Variants in XIRP2 observed in about 807,000 individuals in gnomAD.
The protein encoded by XIRP2 is xin actin binding repeat containing 2.
A neutral mutation model predicts 277.0 loss-of-function variants in XIRP2; 236 were observed. That is an observed-to-expected ratio of 0.85 (90% confidence interval 0.77 to 0.95). The LOEUF (loss-of-function observed/expected upper bound fraction) is 0.95. Among genes scored for constraint, XIRP2 ranks in the 40% least tolerant of loss-of-function variants. XIRP2 has a pLI of 0.00. For synonymous variants in XIRP2, 1,490 were observed against 1,416.5 expected (o/e 1.05, Z -1.17); for missense variants, 4,640 against 4,157.5 (o/e 1.12, Z -3.19).
At chr2:166,984,290 G>A (rs1392024868) in intron 2 of XIRP2, among the ~76,000 whole-genome samples, 1 of 152,112 alleles carries the variant, frequency 6.6e-6, no homozygotes, top group Admixed American at 6.6e-5. Flanking sequence ...CTCATATTTT[G>A]TGGGATTATC....
Position 167,095,390 on chromosome 2 carries a change from C to T in XIRP2, c.409-40519C>T, listed in dbSNP as rs1026515494. 4.6e-5 allele frequency among the ~76,000 whole-genome samples: 7 copies of T among 152,226 alleles called. No individual in the cohort carries two copies. In the South Asian group the frequency reaches 1.2e-3, roughly 27 times the overall value. On this transcript the variant is annotated intron_variant, in intron 2 of 10. Transcript: ENST00000409195. ...TGAGAGAGGGCATACTTTTCTTGTG[C>T]CGGTTTTCAAAGGGAATGCTTCCAG...
chr2:167,023,794 T>C (rs767250084), intron 2 of XIRP2, among the ~76,000 whole-genome samples: 4 of 152,160 alleles, frequency 2.6e-5, no homozygotes, highest in Non-Finnish European at 5.9e-5. Context: ...CTGAGGGATC[T>C]GTTCTGTTCC....
At chr2:167,118,260 G>T (rs892537913) in intron 2 of XIRP2, among the ~76,000 whole-genome samples, 4 of 151,946 alleles carry the variant, frequency 2.6e-5, no homozygotes, top group Admixed American at 6.6e-5. Context: ...TGGGCAGATT[G>T]CCTGAGGTCA....
At chr2:167,038,510 C>T (rs923010025) in intron 2 of XIRP2, among the ~76,000 whole-genome samples, 1 of 150,552 alleles carries the variant, frequency 6.6e-6, no homozygotes, top group Non-Finnish European at 1.5e-5. Context: ...ACTCTTGACC[C>T]AGAAATTCTA....
intron 10 of XIRP2, among the ~76,000 whole-genome samples, chr2:167,257,419 A>G (rs995208523): frequency 6.6e-6 from 1 of 151,950 alleles, no homozygotes; most frequent in African/African-American, 2.4e-5. Context: ...TAATCTCCTT[A>G]AAGAGGCCAC....
At chr2:166,958,297 G>T (rs1199026149) in intron 2 of XIRP2, among the ~76,000 whole-genome samples, 2 of 151,886 alleles carry the variant, frequency 1.3e-5, no homozygotes, top group Non-Finnish European at 2.9e-5. Context: ...TGTTTCAGAT[G>T]ACTCAATTGC....
At chr2:167,044,870 A>G (rs987959782) in intron 2 of XIRP2, among the ~76,000 whole-genome samples, 9 of 151,946 alleles carry the variant, frequency 5.9e-5, no homozygotes, top group African/African-American at 2.2e-4. Flanking sequence ...CAAACCACCA[A>G]TGTCATTTTT....
intron 3 of XIRP2, among the ~76,000 whole-genome samples, chr2:167,151,062 A>G (rs78209872): frequency 0.013 from 2,026 of 151,974 alleles, 46 homozygotes; most frequent in African/African-American, 0.047. Context: ...ATTTAGCTCA[A>G]TGTAGCACAT....
chr2:167,037,149 C>T (rs1423440036), intron 2 of XIRP2, among the ~76,000 whole-genome samples: 1 of 152,160 alleles, frequency 6.6e-6, no homozygotes, highest in Non-Finnish European at 1.5e-5. Context: ...ACACATCTCC[C>T]AGACAGAAAA....
Position 167,239,981 on chromosome 2 carries a change from G to T in XIRP2, c.969+16G>T. 6.3e-7 allele frequency: 1 copy of T among 1,576,680 alleles called. No individual in the cohort carries two copies. Among genetic ancestry groups the T allele is most frequent in the Non-Finnish European group, 8.6e-7 (1 of 1,167,144 alleles). On this transcript the variant is annotated intron_variant, in intron 6 of 10. Transcript: ENST00000409195. ...AACAGAAATGGTAACTATTTAGAAAGGCAGTACTTTCAAACAGTTTCCAGG... is the reference window on the plus strand; with the variant it reads ...AACAGAAATGGTAACTATTTAGAAATGCAGTACTTTCAAACAGTTTCCAGG...
intron 2 of XIRP2, among the ~76,000 whole-genome samples, chr2:167,114,817 T>G (rs900289230): frequency 4.6e-5 from 7 of 152,316 alleles, no homozygotes; most frequent in Non-Finnish European, 8.8e-5. Flanking sequence ...GGTGTATATG[T>G]GCCACATTTT....
intron 3 of XIRP2, among the ~76,000 whole-genome samples, chr2:167,194,198 C>T (rs1254972897): frequency 1.3e-5 from 2 of 151,842 alleles, no homozygotes; most frequent in African/African-American, 4.8e-5. Context: ...TCTCCTGCTT[C>T]AGCCTCCCTA....
At chr2:167,251,987 TA>T in intron 9 of XIRP2, 40 bp downstream of exon 9, 2 of 1,515,232 alleles carry the variant, frequency 1.3e-6, no homozygotes, top group Non-Finnish European at 1.8e-6. Context: ...ATTAACCATT[TA>T]AAGGCATGTG....
At chr2:167,232,884 C>T (rs548362061) in intron 5 of XIRP2, among the ~76,000 whole-genome samples, 1 of 151,812 alleles carries the variant, frequency 6.6e-6, no homozygotes, top group Admixed American at 6.6e-5. Flanking sequence ...TTCTAAGGAG[C>T]TGATAATCAT....
At chr2:167,014,112 C>T (rs1687758708) in intron 2 of XIRP2, among the ~76,000 whole-genome samples, 1 of 151,006 alleles carries the variant, frequency 6.6e-6, no homozygotes, top group African/African-American at 2.4e-5. Context: ...TGCTCTTATC[C>T]CCCTCTTTTT....
chr2:167,214,672 A>T (rs995395411), intron 4 of XIRP2, among the ~76,000 whole-genome samples: 4 of 151,690 alleles, frequency 2.6e-5, no homozygotes, highest in African/African-American at 9.7e-5. Flanking sequence ...GTTCAGGCAA[A>T]TCTCCTGCCT....
intron 3 of XIRP2, among the ~76,000 whole-genome samples, chr2:167,153,936 G>T (rs1428337806): frequency 9.9e-5 from 15 of 151,450 alleles, no homozygotes; most frequent in Non-Finnish European, 1.9e-4. Flanking sequence ...TAATGGGATG[G>T]CTGGGTCAAA....
At chr2:167,239,598 A>G (rs1253238211) in intron 5 of XIRP2, among the ~76,000 whole-genome samples, 1 of 152,174 alleles carries the variant, frequency 6.6e-6, no homozygotes, top group Non-Finnish European at 1.5e-5. Context: ...AGCCTGCAGA[A>G]CAGAATGCAT....
intron 3 of XIRP2, among the ~76,000 whole-genome samples, chr2:167,189,490 T>C (rs989348991): frequency 6.6e-6 from 1 of 152,208 alleles, no homozygotes; most frequent in African/African-American, 2.4e-5. Flanking sequence ...CACCTCCTCT[T>C]ATGAAAGCAT....
Sources: gnomAD v4.1 joint callset for allele counts (sites outside exome capture counted in the v4.1 genomes callset) on GRCh38, gnomAD v4.1.1 for gene constraint, MANE v1.5 for transcripts, NCBI Gene and HGNC (gene_info 2026-07-23, HGNC 2026-07-21) for gene names.